Variants in NRCAM observed in about 807,000 individuals in gnomAD.
The protein encoded by NRCAM is neuronal cell adhesion molecule.
A neutral mutation model predicts 156.5 loss-of-function variants in NRCAM; 83 were observed. The ratio of observed to expected loss-of-function variants is 0.53; its 90% CI spans 0.44 to 0.64. The LOEUF (loss-of-function observed/expected upper bound fraction) is 0.64. Ranked by LOEUF, NRCAM falls within the 30% of genes least tolerant of loss-of-function variation. NRCAM has a pLI of 0.00. For missense variants in NRCAM, 1,417 were observed against 1,597.3 expected (o/e 0.89, Z 1.92); for synonymous variants, 538 against 563.9 (o/e 0.95, Z 0.65).
chr7:108,215,523 C>T (rs898012917), intron 11 of NRCAM, among the ~76,000 whole-genome samples: 3 of 152,014 alleles, frequency 2.0e-5, no homozygotes. Flanking sequence ...CCATCTCCCA[C>T]TATTTTTGTG....
intron 30 of NRCAM, among the ~76,000 whole-genome samples, chr7:108,165,825 T>A (rs2053710800): frequency 6.6e-6 from 1 of 152,250 alleles, no homozygotes; most frequent in Admixed American, 6.5e-5. Context: ...TCACAAAAAA[T>A]ACATTGTGTA....
At chr7:108,186,935 A>G (rs1265127128) in intron 20 of NRCAM, among the ~76,000 whole-genome samples, 1 of 152,232 alleles carries the variant, frequency 6.6e-6, no homozygotes, top group Non-Finnish European at 1.5e-5. Context: ...CATGGGATAT[A>G]AAGTTGAACC....
At chr7:108,253,691 A>G (rs2096488111) in intron 3 of NRCAM, among the ~76,000 whole-genome samples, 1 of 152,244 alleles carries the variant, frequency 6.6e-6, no homozygotes, top group Admixed American at 6.5e-5. Flanking sequence ...TCATGCACAG[A>G]GTGAAATGTG....
chr7:108,341,794 T>G (rs965831857), intron 2 of NRCAM, among the ~76,000 whole-genome samples: 1 of 152,130 alleles, frequency 6.6e-6, no homozygotes, highest in Non-Finnish European at 1.5e-5. Context: ...AACCATTCAA[T>G]AGTCCCTCCA....
intron 5 of NRCAM, 173 bp from the exon 6 acceptor site, chr7:108,234,861 T>A: frequency 1.3e-6 from 1 of 753,214 alleles, no homozygotes; most frequent in Non-Finnish European, 2.4e-6. Context: ...AAAGGTCTGC[T>A]AAAACTGTGA....
intron 2 of NRCAM, among the ~76,000 whole-genome samples, chr7:108,318,039 C>CCTTTTT (rs1554503979): frequency 6.9e-5 from 5 of 72,848 alleles, no homozygotes; most frequent in African/African-American, 2.9e-4. Flanking sequence ...TTCACTTTTC[C>CCTTTTT]TTTTTTTTTT....
intron 13 of NRCAM, among the ~76,000 whole-genome samples, chr7:108,205,428 G>A (rs1487654984): frequency 6.6e-6 from 1 of 152,182 alleles, no homozygotes; most frequent in Non-Finnish European, 1.5e-5. Flanking sequence ...AAATCAAGAA[G>A]AAAAATCAGC....
upstream of NRCAM, chr7:108,456,502 T>C (rs1857545038): frequency 6.6e-6 from 1 of 151,232 alleles, no homozygotes; most frequent in African/African-American, 2.4e-5. Flanking sequence ...GCGCCGTGCT[T>C]TTGCCCCTCC....
chr7:108,366,065 T>C (rs189701851), intron 2 of NRCAM, among the ~76,000 whole-genome samples: 46 of 152,272 alleles, frequency 3.0e-4, no homozygotes, highest in African/African-American at 8.2e-4. Context: ...TTCCTTTCCA[T>C]CTCTTCTGCC....
At chr7:108,297,215 C>A (rs1384723661) in intron 3 of NRCAM, among the ~76,000 whole-genome samples, 1 of 152,130 alleles carries the variant, frequency 6.6e-6, no homozygotes, top group East Asian at 1.9e-4. Context: ...AGTTTCTGTT[C>A]TTTTTGAAGA....
intron 2 of NRCAM, among the ~76,000 whole-genome samples, chr7:108,346,267 T>G (rs1452579736): frequency 6.6e-6 from 1 of 152,214 alleles, no homozygotes; most frequent in Admixed American, 6.5e-5. Flanking sequence ...AGATTAATTT[T>G]CTTGTTTAAG....
At chr7:108,309,712 C>T (rs1028000638) in intron 3 of NRCAM, among the ~76,000 whole-genome samples, 1 of 152,038 alleles carries the variant, frequency 6.6e-6, no homozygotes, top group Non-Finnish European at 1.5e-5. Flanking sequence ...CAAAAAGTAG[C>T]CAGGCATGTT....
intron 18 of NRCAM, 58 bp from the exon 19 acceptor site, chr7:108,191,341 G>A (rs2071368488): frequency 8.0e-7 from 1 of 1,249,952 alleles, no homozygotes; most frequent in African/African-American, 1.5e-5. Context: ...AAAGATACAA[G>A]ATAGCACAAG....
At position 108,276,943 on chromosome 7, in the gene NRCAM, C is replaced by G. The variant is rs563155684; in HGVS notation, c.-107+35722G>C. 2.0e-5 allele frequency among the ~76,000 whole-genome samples: 3 copies of G among 152,294 alleles called. No homozygotes were observed. In the East Asian group the frequency reaches 5.8e-4, roughly 29 times the overall value. ...AAGGCAGGCCTGGTGGTGACAAAATCTCTCAGCATTTGCTTGTCTGTAAAG... is the reference window on the plus strand; with the variant it reads ...AAGGCAGGCCTGGTGGTGACAAAATGTCTCAGCATTTGCTTGTCTGTAAAG... On this transcript the variant is annotated intron_variant, in intron 3 of 32. Transcript: ENST00000379028.
intron 3 of NRCAM, among the ~76,000 whole-genome samples, chr7:108,280,273 A>G (rs1242204185): frequency 1.3e-5 from 2 of 152,224 alleles, no homozygotes; most frequent in African/African-American, 2.4e-5. Context: ...TCACCAGAAC[A>G]AGCTGCAATC....
intron 2 of NRCAM, among the ~76,000 whole-genome samples, chr7:108,369,946 G>C (rs1255694777): frequency 1.3e-5 from 2 of 152,024 alleles, no homozygotes; most frequent in Non-Finnish European, 2.9e-5. Flanking sequence ...GAGAATTTTA[G>C]GTTCATGAAA....
intron 1 of NRCAM, among the ~76,000 whole-genome samples, chr7:108,452,544 C>A (rs750539997): frequency 6.6e-6 from 1 of 152,108 alleles, no homozygotes; most frequent in Non-Finnish European, 1.5e-5. Context: ...CCAGTTCTCT[C>A]CTCTGTCCTC....
intron 17 of NRCAM, among the ~76,000 whole-genome samples, chr7:108,192,963 C>T (rs2072959701): frequency 6.6e-6 from 1 of 152,156 alleles, no homozygotes; most frequent in African/African-American, 2.4e-5. Flanking sequence ...CATAAACTGT[C>T]TTCTCAGTTA....
intron 14 of NRCAM, among the ~76,000 whole-genome samples, chr7:108,197,601 T>C (rs370133): frequency 0.47 from 71,342 of 152,084 alleles, 18,199 homozygotes; most frequent in East Asian, 0.81. Context: ...ATCAGAATCA[T>C]TGTTATTCAA....
Sources: gnomAD v4.1 joint callset for allele counts (sites outside exome capture counted in the v4.1 genomes callset) on GRCh38, gnomAD v4.1.1 for gene constraint, MANE v1.5 for transcripts, NCBI Gene and HGNC (gene_info 2026-07-23, HGNC 2026-07-21) for gene names.